Variants in TRMU observed in about 807,000 individuals in gnomAD.
TRMU encodes mitochondrial tRNA-specific 2-thiouridylase 1.
Under a neutral mutation model 46.9 loss-of-function variants are expected in TRMU, and 49 were observed. The ratio of observed to expected loss-of-function variants is 1.05; its 90% CI spans 0.83 to 1.33. The LOEUF is 1.33. Ranked by LOEUF, TRMU falls within the 40% of genes most tolerant of loss-of-function variation. The probability of loss-of-function intolerance (pLI) is 0.00; values close to 1 mark genes in which losing one functional copy is unlikely to be tolerated. For synonymous variants in TRMU, 241 were observed against 200.9 expected, an observed-to-expected ratio of 1.20 and a Z score of -1.69; for missense variants, 572 against 532.4, an observed-to-expected ratio of 1.07 and a Z score of -0.73.
At chr22:46,335,948 G>T (rs553844561) in intron 1 of TRMU, 102 bp downstream of exon 1, 3 of 1,488,714 alleles carry the variant, frequency 2.0e-6, no homozygotes, top group Admixed American at 4.3e-5. Flanking sequence ...TCCCTGGGCC[G>T]CTGGTTGCGC....
rs551815953 is a variant in TRMU at position 46,353,020 on chromosome 22, C to T, written c.772+690C>T. The T allele has an allele frequency of 2.3e-4, 38 of 164,056 alleles. 1 individual carries two copies. In the South Asian group the frequency reaches 2.5e-3, roughly 11 times the overall value. 10.2% of individuals were successfully genotyped at this position (164,056 alleles called of 1,614,324 possible). On this transcript the variant is annotated intron_variant, in intron 7 of 10. Transcript: ENST00000645190. Reference sequence around the variant, plus strand: ...AGGCTGCAGCTCAGGTGTAGGGCGTCTTGCAGTGAATTGCACTTGGAGATC... The same window carrying T: ...AGGCTGCAGCTCAGGTGTAGGGCGTTTTGCAGTGAATTGCACTTGGAGATC...
In TRMU at chr22:46,348,690, C is replaced by T. The variant is rs1377093610; in HGVS notation, c.479-1601C>T. Among the ~76,000 whole-genome samples, 3 of 152,172 alleles carry T rather than the reference C, an allele frequency of 2.0e-5. No homozygotes were observed. The highest frequency in any genetic ancestry group is 7.2e-5 in the African/African-American group (3 of 41,430). On this transcript the variant is annotated intron_variant, in intron 4 of 10. Coordinates refer to ENST00000645190, the MANE Select transcript of TRMU (RefSeq NM_018006.5). This position sits in a 1 kb window ranked among gnomAD's most constrained non-coding sequence, Gnocchi z 4.8. ...CTGTGCTTTTTCCTCTATAGCAGTTCAGTTAGGGTCGCCAGCTTGCTTTTT... is the reference window on the plus strand; with the variant it reads ...CTGTGCTTTTTCCTCTATAGCAGTTTAGTTAGGGTCGCCAGCTTGCTTTTT...
intron 9 of TRMU, 169 bp from the exon 10 acceptor site, chr22:46,355,821 A>G: frequency 1.0e-6 from 1 of 993,028 alleles, no homozygotes; most frequent in Non-Finnish European, 1.5e-6. Flanking sequence ...GCAAGTGTGT[A>G]CACTGCCCCG....
intron 7 of TRMU, chr22:46,353,363 G>C (rs2078495077): frequency 3.5e-6 from 1 of 288,550 alleles, no homozygotes; most frequent in Middle Eastern, 1.4e-3. Flanking sequence ...GAGCAGCTGG[G>C]GGTAGCCCTG....
In TRMU at chr22:46,350,620, G is replaced by A. The variant is rs931779620; in HGVS notation, c.651+157G>A. 6.6e-6 allele frequency among the ~76,000 whole-genome samples: 1 copy of A among 152,222 alleles called. No homozygotes were observed. Among genetic ancestry groups the A allele is most frequent in the African/African-American group, 2.4e-5 (1 of 41,468 alleles). On this transcript the variant is annotated intron_variant, in intron 5 of 10. Coordinates refer to ENST00000645190, the MANE Select transcript of TRMU (RefSeq NM_018006.5). The surrounding 1 kb of genome is among the most constrained non-coding windows in gnomAD (Gnocchi z 4.6). ...GCAATAGATGGAGGAGTTTGCTGAGGCGCACGGTACAGGGCTCTGCTGACA... is the reference window on the plus strand; with the variant it reads ...GCAATAGATGGAGGAGTTTGCTGAGACGCACGGTACAGGGCTCTGCTGACA...
chr22:46,350,645 A>G lies in TRMU; in HGVS notation c.651+182A>G, dbSNP rs898496489. 2.0e-5 allele frequency among the ~76,000 whole-genome samples: 3 copies of G among 152,296 alleles called. No individual in the cohort carries two copies. The highest frequency in any genetic ancestry group is 3.4e-3 in the Middle Eastern group (1 of 294). On this transcript the variant is annotated intron_variant, in intron 5 of 10. Coordinates refer to ENST00000645190, the MANE Select transcript of TRMU (RefSeq NM_018006.5). This position sits in a 1 kb window ranked among gnomAD's most constrained non-coding sequence, Gnocchi z 4.6. ...GCGCACGGTACAGGGCTCTGCTGAC[A>G]TCGGGAGCAGCCTATACGAGACTCC...
rs1242893302 is a variant in TRMU, at chr22:46,338,792, T to G, written c.248+848T>G. 6.6e-6 allele frequency among the ~76,000 whole-genome samples: 1 copy of G among 151,566 alleles called. No individual in the cohort carries two copies. The highest frequency in any genetic ancestry group is 1.5e-5 in the Non-Finnish European group (1 of 67,830). On this transcript the variant is annotated intron_variant, in intron 2 of 10. Coordinates refer to ENST00000645190, the MANE Select transcript of TRMU (RefSeq NM_018006.5). This position sits in a 1 kb window ranked among gnomAD's most constrained non-coding sequence, Gnocchi z 4.5. ...GGCTCATCCTCTGGTGAGCCCTGACTGTGATGAATGTCGGGCAGTTGTCGA... is the reference window on the plus strand; with the variant it reads ...GGCTCATCCTCTGGTGAGCCCTGACGGTGATGAATGTCGGGCAGTTGTCGA...
chr22:46,335,839 G>T lies in TRMU; in HGVS notation c.75G>T (p.Arg25Ser), dbSNP rs2272938. 2,022 of 1,550,448 alleles carry T rather than the reference G, an allele frequency of 1.3e-3. 60 individuals are homozygous for T. The East Asian group carries it at 0.046, about 35-fold the overall frequency. ...VDSAVAALLLRRRGYQVTGVF... is the reference protein window; with the variant it reads ...VDSAVAALLLSRRGYQVTGVF... The stretch of plus-strand genomic sequence containing the variant: ...GCGCCGTGGCCGCGCTGCTGCTGAG[G>T]CGGAGAGGTGAGGCGTCCGAGGCTC... Residue 25 changes from arginine to serine, a missense_variant, in exon 1 of 11, where the codon AGG (arginine) becomes AGT (serine). By Grantham distance (110) the Arg-to-Ser change is moderately radical. Coordinates refer to ENST00000645190, the MANE Select transcript of TRMU (RefSeq NM_018006.5).
intron 9 of TRMU, 175 bp downstream of exon 9, chr22:46,355,763 G>C: frequency 8.3e-7 from 1 of 1,204,074 alleles, no homozygotes; most frequent in Non-Finnish European, 1.2e-6. Context: ...AGCGAGGCCT[G>C]GGGGTGCTGG....
chr22:46,346,633 C>A, intron 4 of TRMU, 89 bp downstream of exon 4: 1 of 1,458,298 alleles, frequency 6.9e-7, no homozygotes, highest in Non-Finnish European at 9.4e-7. Context: ...CTGAGGATCA[C>A]TGCCACCCCT....
At position 46,352,187 on chromosome 22, in the gene TRMU, CTT is replaced by C; in HGVS notation, c.705+15_705+16del. The C allele has an allele frequency of 6.2e-7, 1 of 1,614,210 alleles. No homozygotes were observed. Among genetic ancestry groups the C allele is most frequent in the South Asian group, 1.1e-5 (1 of 91,076 alleles). ...TTTCCTTCTTCAGGTGCGTGCTGCT[CTT>C]TGACACAAAGAGATGGGGCTGCGTG... On this transcript the variant is annotated intron_variant, in intron 6 of 10. Transcript: ENST00000645190.
chr22:46,341,674 C>A (rs1002724836), intron 2 of TRMU, among the ~76,000 whole-genome samples: 1 of 152,056 alleles, frequency 6.6e-6, no homozygotes, highest in Non-Finnish European at 1.5e-5. Context: ...AAATAGGCAT[C>A]ATAACCCTCT....
In TRMU at chr22:46,351,345, TGGC is replaced by T. The variant is rs1345321658; in HGVS notation, c.652-773_652-771del. ...CTCAAAAAGAGAGAACCCGGAGTGTTGGCGGAACTAGGATGAAGCCCGTGGGAG... is the reference window on the plus strand; with the variant it reads ...CTCAAAAAGAGAGAACCCGGAGTGTTGGAACTAGGATGAAGCCCGTGGGAG... On this transcript the variant is annotated intron_variant, in intron 5 of 10. Coordinates refer to ENST00000645190, the MANE Select transcript of TRMU (RefSeq NM_018006.5). This position sits in a 1 kb window ranked among gnomAD's most constrained non-coding sequence, Gnocchi z 6.4. 6.6e-6 allele frequency among the ~76,000 whole-genome samples: 1 copy of T among 152,106 alleles called. No individual in the cohort carries two copies. Among genetic ancestry groups the T allele is most frequent in the African/African-American group, 2.4e-5 (1 of 41,416 alleles).
Position 46,338,010 on chromosome 22 carries a change from G to T in TRMU, c.248+66G>T, listed in dbSNP as rs993123776. 7 of 1,603,916 alleles carry T rather than the reference G, an allele frequency of 4.4e-6. No homozygotes were observed. The highest frequency in any genetic ancestry group is 6.0e-6 in the Non-Finnish European group (7 of 1,171,868). ...GTGGATCCTTGCAGTGGAAGGATCCGGTAACCAGCCAGACCGACGCCTGTG... is the reference window on the plus strand; with the variant it reads ...GTGGATCCTTGCAGTGGAAGGATCCTGTAACCAGCCAGACCGACGCCTGTG... On this transcript the variant is annotated intron_variant, in intron 2 of 10. Transcript: ENST00000645190. The surrounding 1 kb of genome is among the most constrained non-coding windows in gnomAD (Gnocchi z 4.5).
At chr22:46,355,634 C>T (rs750557530) in intron 9 of TRMU, 46 bp downstream of exon 9, 1 of 1,613,070 alleles carries the variant, frequency 6.2e-7, no homozygotes, top group Non-Finnish European at 8.5e-7. Flanking sequence ...TGAAGCTGAG[C>T]TTCCTGAGGC....
At position 46,339,921 on chromosome 22, in the gene TRMU, T is replaced by C. The variant is rs1362834680; in HGVS notation, c.248+1977T>C. Reference sequence around the variant, plus strand: ...ATAAATGCATTAAAAACTTCTGCAGTTTTCTCGGGGACATAAGAAAAAAAA... The same window carrying C: ...ATAAATGCATTAAAAACTTCTGCAGCTTTCTCGGGGACATAAGAAAAAAAA... On this transcript the variant is annotated intron_variant, in intron 2 of 10. Transcript: ENST00000645190. This position sits in a 1 kb window ranked among gnomAD's most constrained non-coding sequence, Gnocchi z 4.8. Among the ~76,000 whole-genome samples, 1 of 150,778 alleles carries C rather than the reference T, an allele frequency of 6.6e-6. No individual in the cohort carries two copies. Among genetic ancestry groups the C allele is most frequent in the Non-Finnish European group, 1.5e-5 (1 of 67,954 alleles).
intron 1 of TRMU, 26 bp from the exon 2 acceptor site, chr22:46,337,753 T>G (rs754411256): frequency 1.7e-5 from 27 of 1,613,944 alleles, no homozygotes; most frequent in Non-Finnish European, 2.1e-5. Context: ...TTATGTATTC[T>G]CTTTAATTGA....
rs917728152 is a variant in TRMU at position 46,348,165 on chromosome 22, G to A, written c.478+1621G>A. Among the ~76,000 whole-genome samples the A allele has an allele frequency of 5.9e-5, 9 of 152,214 alleles. No individual in the cohort carries two copies. The highest frequency in any genetic ancestry group is 2.2e-4 in the African/African-American group (9 of 41,456). The stretch of plus-strand genomic sequence containing the variant: ...CCAGGGTGGAATTCACCAAGTAATT[G>A]TGCATTTACGGGGCCTGAGGAGATG... On this transcript the variant is annotated intron_variant, in intron 4 of 10. Transcript: ENST00000645190. This position sits in a 1 kb window ranked among gnomAD's most constrained non-coding sequence, Gnocchi z 4.8.
Position 46,355,972 on chromosome 22 carries a change from C to A in TRMU, c.1019-18C>A, listed in dbSNP as rs199521953. On this transcript the variant is annotated intron_variant, in intron 9 of 10. Coordinates refer to ENST00000645190, the MANE Select transcript of TRMU (RefSeq NM_018006.5). ...GAAAGGCCTGTGCCCCCTCCAAGGGCCCCTCTCTTCTACCCAGTGCCCTGT... is the reference window on the plus strand; with the variant it reads ...GAAAGGCCTGTGCCCCCTCCAAGGGACCCTCTCTTCTACCCAGTGCCCTGT... 6.2e-7 allele frequency: 1 copy of A among 1,613,706 alleles called. No homozygotes were observed. Among genetic ancestry groups the A allele is most frequent in the Admixed American group, 1.7e-5 (1 of 60,024 alleles).
Sources: allele counts gnomAD v4.1 joint callset (sites outside exome capture counted in the v4.1 genomes callset), GRCh38; gene constraint gnomAD v4.1.1; non-coding constraint Gnocchi (gnomAD v3.1); transcripts MANE v1.5; gene names NCBI Gene and HGNC (gene_info 2026-07-23, HGNC 2026-07-21).